The following RGMA variants were observed in gnomAD, a reference collection of about 807,000 sequenced individuals.
RGMA encodes repulsive guidance molecule BMP co-receptor a, also known as repulsive guidance molecule A.
RGMA carries 10 observed loss-of-function variants against 23.2 expected under a neutral mutation model. That is an observed-to-expected ratio of 0.43 (90% confidence interval 0.27 to 0.73). The LOEUF (loss-of-function observed/expected upper bound fraction) is 0.73. Ranked by LOEUF, RGMA falls within the 30% of genes least tolerant of loss-of-function variation. RGMA has a pLI of 0.20. For synonymous variants in RGMA, 308 were observed against 279.3 expected (o/e 1.10, Z -1.03); for missense variants, 547 against 630.5 (o/e 0.87, Z 1.42).
Position 93,045,359 on chromosome 15 carries a change from T to G in RGMA, c.992A>C (p.His331Pro). The G allele has an allele frequency of 6.2e-7, 1 of 1,611,142 alleles. No individual in the cohort carries two copies. Among genetic ancestry groups the G allele is most frequent in the Non-Finnish European group, 8.5e-7 (1 of 1,179,326 alleles). The change falls in exon 4 of 4, where the codon CAC becomes CCC. Residue 331 changes from histidine (H) to proline (P), a missense_variant. By Grantham distance (77) the His-to-Pro change is moderately conservative. Transcript: ENST00000329082. This position sits in a 1 kb window ranked among gnomAD's most constrained non-coding sequence, Gnocchi z 6.9. ...GGCACCGGTGCCCTCAGCATTGGTG[T>G]GGAAGGCCTGGAAGTCGATCTGCTG... is the stretch of plus-strand genomic sequence containing the variant. The part of the protein sequence containing the change: ...LNQQIDFQAF[H>P]TNAEGTGARR...
intron 3 of RGMA, among the ~76,000 whole-genome samples, chr15:93,049,685 C>A (rs1399000022): frequency 6.6e-6 from 1 of 152,230 alleles, no homozygotes; most frequent in African/African-American, 2.4e-5. Flanking sequence ...ACAGCTTGCA[C>A]ACGGAGCTTC....
chr15:93,045,484 G>T lies in RGMA; in HGVS notation c.867C>A (p.Tyr289Ter), dbSNP rs1198326129. 1.2e-6 allele frequency: 2 copies of T among 1,613,170 alleles called. No homozygotes were observed. The highest frequency in any genetic ancestry group is 1.3e-5 in the African/African-American group (1 of 74,926). ...CTGGCATGCGGACGGCAAAGGTCAG[G>T]TAGCGGCCCACCTGGCGCACCACGA... ...TTIVVRQVGR[Y>*]LTFAVRMPEE... Residue 289 changes from tyrosine to a stop codon, truncating the protein, a stop_gained, in exon 4 of 4, where the codon TAC becomes TAA. Transcript: ENST00000329082. LOFTEE classifies it low-confidence loss of function (END_TRUNC). This position sits in a 1 kb window ranked among gnomAD's most constrained non-coding sequence, Gnocchi z 6.9.
rs1481141087 is a variant in RGMA at position 93,088,430 on chromosome 15, G to T, written c.14+489C>A. ...GTACGCCGGCGCGCCGAGGCAAAGG[G>T]CCGCCGGGACGCGAGCCCACGCGGT... On this transcript the variant is annotated intron_variant, in intron 1 of 3. Transcript: ENST00000329082. 4 of 985,702 alleles carry T rather than the reference G, an allele frequency of 4.1e-6. No individual in the cohort carries two copies. The African/African-American group carries it at 7.0e-5, about 17-fold the overall frequency. The allele number at this position is 985,702 out of a possible 1,614,324, so 61.1% of individuals were successfully genotyped here. A position where few individuals can be genotyped will look rare whatever the true frequency, so the allele number is the denominator to read the frequency against.
intron 1 of RGMA, chr15:93,088,520 G>A: frequency 1.0e-6 from 1 of 998,470 alleles, no homozygotes; most frequent in Non-Finnish European, 1.2e-6. Context: ...GCGTCGAGCG[G>A]GAGGCGGGGG....
chr15:93,073,526 G>A lies in RGMA; in HGVS notation c.15-495C>T, dbSNP rs990976132. On this transcript the variant is annotated intron_variant, in intron 1 of 3. Coordinates refer to ENST00000329082, the MANE Select transcript of RGMA (RefSeq NM_020211.3). ...TCCCCTCCACGAATATCCAATCCAA[G>A]TAGAAAAACTGTCCTTGGAGGCAAA... The A allele has an allele frequency of 1.0e-5, 15 of 1,442,472 alleles. No homozygotes were observed. The African/African-American group carries it at 2.0e-4, about 19-fold the overall frequency. 89.4% of individuals were successfully genotyped at this position (1,442,472 alleles called of 1,614,324 possible).
chr15:93,048,451 G>A (rs766007108), intron 3 of RGMA, among the ~76,000 whole-genome samples: 1 of 152,164 alleles, frequency 6.6e-6, no homozygotes, highest in African/African-American at 2.4e-5. Flanking sequence ...AGGCTGCGGA[G>A]GGTCGGGGCT....
intron 1 of RGMA, among the ~76,000 whole-genome samples, chr15:93,075,986 C>T (rs940544203): frequency 6.6e-6 from 1 of 152,174 alleles, no homozygotes; most frequent in African/African-American, 2.4e-5. Flanking sequence ...CTGGCTAAAC[C>T]AACCAACTTT....
At chr15:93,058,522 T>C (rs1262825219) in intron 2 of RGMA, among the ~76,000 whole-genome samples, 1 of 152,276 alleles carries the variant, frequency 6.6e-6, no homozygotes, top group Non-Finnish European at 1.5e-5. Context: ...GAGGCTGAGC[T>C]TAACTAACAG....
intron 1 of RGMA, among the ~76,000 whole-genome samples, chr15:93,086,558 G>T (rs1895637776): frequency 6.6e-6 from 1 of 152,170 alleles, no homozygotes; most frequent in Admixed American, 6.5e-5. Flanking sequence ...CAGAACACTG[G>T]CCATATCCCT....
chr15:93,083,933 A>G (rs35826304), intron 1 of RGMA, among the ~76,000 whole-genome samples: 13,871 of 152,304 alleles, frequency 0.091, 870 homozygotes, highest in Non-Finnish European at 0.14. Flanking sequence ...AGGAAAATGC[A>G]ATTGCACAAA....
chr15:93,036,463 G>C lies in RGMA; in HGVS notation c.*8535C>G, dbSNP rs1234407060. The C allele has an allele frequency of 6.6e-6, 1 of 152,340 alleles. No individual in the cohort carries two copies. The highest frequency in any genetic ancestry group is 1.5e-5 in the Non-Finnish European group (1 of 68,124). 9.4% of individuals were successfully genotyped at this position (152,340 alleles called of 1,614,324 possible). On this transcript the variant is annotated 3_prime_UTR_variant, in exon 4 of 4. Coordinates refer to ENST00000329082, the MANE Select transcript of RGMA (RefSeq NM_020211.3). ...GCCGGAGTTTTCCTGCTCCACCCTGGGGAGGGACCCCTGGCCCCGCAGACC... is the reference window on the plus strand; with the variant it reads ...GCCGGAGTTTTCCTGCTCCACCCTGCGGAGGGACCCCTGGCCCCGCAGACC...
chr15:93,088,819 G>C, intron 1 of RGMA, 100 bp downstream of exon 1: 3 of 1,124,324 alleles, frequency 2.7e-6, no homozygotes, highest in Non-Finnish European at 3.8e-6. Flanking sequence ...ATGAGACGCG[G>C]GGCTAAGGAA....
rs112051776 is a variant in RGMA at position 93,045,768 on chromosome 15, C to T, written c.646-63G>A. On this transcript the variant is annotated intron_variant, in intron 3 of 3. Transcript: ENST00000329082. The surrounding 1 kb of genome is among the most constrained non-coding windows in gnomAD (Gnocchi z 6.9). ...CAGTGGGAGGAGGCACAGCCCCACA[C>T]TTAAGATGCTCTAGACTGAGAGGAG... 2.3e-4 allele frequency: 279 copies of T among 1,199,524 alleles called. 1 individual carries two copies. In the African/African-American group the frequency reaches 3.4e-3, roughly 14 times the overall value. The allele number at this position is 1,199,524 out of a possible 1,614,324, so 74.3% of individuals were successfully genotyped here.
chr15:93,057,780 G>A (rs2055037723), intron 2 of RGMA, among the ~76,000 whole-genome samples: 2 of 152,200 alleles, frequency 1.3e-5, no homozygotes, highest in South Asian at 2.1e-4. Context: ...CCCATTTCCC[G>A]ACAAGGACGT....
In RGMA at chr15:93,082,382, C is replaced by T. The variant is rs548363755; in HGVS notation, c.14+6537G>A. Among the ~76,000 whole-genome samples, 10 of 152,314 alleles carry T rather than the reference C, an allele frequency of 6.6e-5. No homozygotes were observed. In the South Asian group the frequency reaches 1.9e-3, roughly 28 times the overall value. On this transcript the variant is annotated intron_variant, in intron 1 of 3. Coordinates refer to ENST00000329082, the MANE Select transcript of RGMA (RefSeq NM_020211.3). ...AAAAACTCCCCCATGTAACCAGCGT[C>T]GTCATCTTAACTATGCCACGGGCAC...
At position 93,052,029 on chromosome 15, in the gene RGMA, A is replaced by G. The variant is rs755762265; in HGVS notation, c.609T>C (p.Pro203=). ...CAGTGGCCGCTGAGCCGGGCAGCAC[A>G]GGCGTGTTGGTGACCTGCACGTTCA... is the stretch of plus-strand genomic sequence containing the variant. ...NYLNVQVTNT[P]VLPGSAATAT... Residue 203 remains proline, a synonymous_variant, in exon 3 of 4, where the codon CCT becomes CCC. Coordinates refer to ENST00000329082, the MANE Select transcript of RGMA (RefSeq NM_020211.3). 3 of 1,610,260 alleles carry G rather than the reference A, an allele frequency of 1.9e-6. No individual in the cohort carries two copies. The highest frequency in any genetic ancestry group is 2.2e-5 in the East Asian group (1 of 44,786).
chr15:93,088,722 C>T lies in RGMA; in HGVS notation c.14+197G>A, dbSNP rs1895684374. On this transcript the variant is annotated intron_variant, in intron 1 of 3. Coordinates refer to ENST00000329082, the MANE Select transcript of RGMA (RefSeq NM_020211.3). ...GAGTATTTTAGGAAAAAAGAACAAA[C>T]ACCAAACCACAAAAACTTTCCTGCT... 8 of 762,566 alleles carry T rather than the reference C, an allele frequency of 1.0e-5. No homozygotes were observed. The East Asian group carries it at 2.8e-4, about 26-fold the overall frequency. The allele number at this position is 762,566 out of a possible 1,614,324, so 47.2% of individuals were successfully genotyped here.
intron 2 of RGMA, among the ~76,000 whole-genome samples, chr15:93,054,446 CAGG>C (rs1011056872): frequency 6.6e-6 from 1 of 151,948 alleles, no homozygotes; most frequent in African/African-American, 2.4e-5. Flanking sequence ...ATAAGTGAAT[CAGG>C]AGGTCATTTC....
intron 2 of RGMA, 131 bp from the exon 3 acceptor site, chr15:93,052,638 T>C (rs1470310111): frequency 2.0e-5 from 21 of 1,044,998 alleles, no homozygotes; most frequent in Admixed American, 2.9e-5. Context: ...CACACACAGA[T>C]GGTGAAAAAT....
Sources: allele counts gnomAD v4.1 joint callset (sites outside exome capture counted in the v4.1 genomes callset), GRCh38; gene constraint gnomAD v4.1.1; non-coding constraint Gnocchi (gnomAD v3.1); transcripts MANE v1.5; gene names NCBI Gene and HGNC (gene_info 2026-07-23, HGNC 2026-07-21).